The following ATP13A2 variants were observed in gnomAD, a reference collection of about 807,000 sequenced individuals.
ATP13A2 encodes the protein ATPase cation transporting 13A2.
ATP13A2 carries 83 observed loss-of-function variants against 138.3 expected under a neutral mutation model. The ratio of observed to expected loss-of-function variants is 0.60; its 90% CI spans 0.50 to 0.72. The LOEUF is 0.72. Ranked by LOEUF, ATP13A2 falls within the 30% of genes least tolerant of loss-of-function variation. The pLI, the probability that ATP13A2 is intolerant of heterozygous loss-of-function variation, is 0.00. For synonymous variants in ATP13A2, 663 were observed against 699.0 expected (o/e 0.95, Z 0.81); for missense variants, 1,402 against 1,606.4 (o/e 0.87, Z 2.17).
chr1:17,009,834 G>A (rs1481202780), intron 1 of ATP13A2, among the ~76,000 whole-genome samples: 1 of 152,108 alleles, frequency 6.6e-6, no homozygotes, highest in Non-Finnish European at 1.5e-5. Flanking sequence ...AGTCAACCTT[G>A]GCAAAGAGGA....
chr1:17,011,823 C>T lies in ATP13A2; in HGVS notation c.-85G>A. ...GTGCGCAAGGCCCTGGGCGGGGGCG[C>T]GGTCCGGACGGCCCGGGGCGAGGGG... On this transcript the variant is annotated 5_prime_UTR_variant, in exon 1 of 29. Transcript: ENST00000326735. The surrounding 1 kb of genome is among the most constrained non-coding windows in gnomAD (Gnocchi z 7.3). 2 of 1,110,914 alleles carry T rather than the reference C, an allele frequency of 1.8e-6. No individual in the cohort carries two copies. Among genetic ancestry groups the T allele is most frequent in the Non-Finnish European group, 1.1e-6 (1 of 913,322 alleles). 68.8% of individuals were successfully genotyped at this position (1,110,914 alleles called of 1,614,324 possible). A position where few individuals can be genotyped will look rare whatever the true frequency, so the allele number is the denominator to read the frequency against.
chr1:16,992,607 T>C lies in ATP13A2; in HGVS notation c.1750-26A>G. ...CTGGCAGGCAGGCAGGGAAGTTTGGTGTCTGGGGGCTTTGGCTCACAGAGA... is the reference window on the plus strand; with the variant it reads ...CTGGCAGGCAGGCAGGGAAGTTTGGCGTCTGGGGGCTTTGGCTCACAGAGA... On this transcript the variant is annotated intron_variant, in intron 16 of 28. Coordinates refer to ENST00000326735, the MANE Select transcript of ATP13A2 (RefSeq NM_022089.4). 1.9e-6 allele frequency: 3 copies of C among 1,612,448 alleles called. No homozygotes were observed. In the East Asian group the frequency reaches 6.7e-5, roughly 36 times the overall value.
chr1:16,998,387 G>T (rs894627457), intron 11 of ATP13A2, among the ~76,000 whole-genome samples: 58 of 151,954 alleles, frequency 3.8e-4, no homozygotes, highest in African/African-American at 1.4e-3. Context: ...TGTATTTTTG[G>T]TAGAGATGGG....
rs751014737 is a variant in ATP13A2 at position 17,004,407 on chromosome 1, C to T, written c.482G>A (p.Arg161Gln). The part of the protein sequence containing the change: ...SEEAVSVGQK[R>Q]VLRYYLFQGQ... ...CTGGAAGAGGTAATACCGCAGCACC[C>T]GCTTCTGGGTGGGAGAGAGGAGAGG... Residue 161 changes from arginine (R) to glutamine (Q), a missense_variant, in exon 6 of 29, where the codon CGG becomes CAG. By Grantham distance (43) the Arg-to-Gln change is conservative. Transcript: ENST00000326735. The surrounding 1 kb of genome is among the most constrained non-coding windows in gnomAD (Gnocchi z 4.1). 16 of 1,613,890 alleles carry T rather than the reference C, an allele frequency of 9.9e-6. No individual in the cohort carries two copies. The highest frequency in any genetic ancestry group is 1.6e-4 in the Middle Eastern group (1 of 6,074).
Position 17,000,075 on chromosome 1 carries a change from C to T in ATP13A2, c.975G>A (p.Gly325=), listed in dbSNP as rs915404570. Residue 325 remains glycine (G), a synonymous_variant, in exon 11 of 29, where the codon GGG becomes GGA. Coordinates refer to ENST00000326735, the MANE Select transcript of ATP13A2 (RefSeq NM_022089.4). ...GDCLVLPQEG[G]LMPCDAALVA... is the part of the protein sequence containing the mutation. ...CCAGGGCGGCATCACAGGGCATCAGCCCACCCTCCTGGGGCAGCACCAGGC... is the reference window on the plus strand; with the variant it reads ...CCAGGGCGGCATCACAGGGCATCAGTCCACCCTCCTGGGGCAGCACCAGGC... 6 of 1,613,284 alleles carry T rather than the reference C, an allele frequency of 3.7e-6. No individual in the cohort carries two copies. In the African/African-American group the frequency reaches 8.0e-5, roughly 22 times the overall value.
At chr1:17,000,185 C>A (rs2077293714) in intron 10 of ATP13A2, 43 bp from the exon 11 acceptor site, 1 of 1,608,044 alleles carries the variant, frequency 6.2e-7, no homozygotes. Flanking sequence ...TGGGGCCAGC[C>A]CCAGCCATGC....
At position 16,986,783 on chromosome 1, in the gene ATP13A2, CCGCCCG is replaced by C. The variant is rs2076744986; in HGVS notation, c.3235+16_3235+21del. On this transcript the variant is annotated intron_variant, in intron 27 of 28. Transcript: ENST00000326735. The surrounding 1 kb of genome is among the most constrained non-coding windows in gnomAD (Gnocchi z 6.9). ...TCCTCCCTCCCTCCGCCAGCATCTCCCGCCCGCGCCCGCAGTGGCACCATTGGTGTA... is the reference window on the plus strand; with the variant it reads ...TCCTCCCTCCCTCCGCCAGCATCTCCCGCCCGCAGTGGCACCATTGGTGTA... 3 of 1,608,056 alleles carry C rather than the reference CCGCCCG, an allele frequency of 1.9e-6. No individual in the cohort carries two copies. The South Asian group carries it at 3.3e-5, about 18-fold the overall frequency.
intron 11 of ATP13A2, among the ~76,000 whole-genome samples, chr1:16,999,401 A>AT (rs1422002091): frequency 1.4e-5 from 2 of 141,216 alleles, no homozygotes; most frequent in Admixed American, 7.0e-5. Flanking sequence ...AAAAAAAAAA[A>AT]AAAAGGAGAA....
rs200529993 is a variant in ATP13A2 at position 16,992,488 on chromosome 1, T to C, written c.1843A>G (p.Met615Val). ...CCAACAGGCCCCCCTCAGCTCACCA[T>C]TGCCTGCAGCTGGGGCTCCCAAAGT... ...PPLWEPQLQA[M>V]EEPPVPVSVL... The change falls in exon 17 of 29, where the codon ATG (methionine) becomes GTG (valine). Residue 615 changes from methionine (M) to valine (V), a missense_variant and splice_region_variant. Met to Val is a conservative substitution (Grantham distance 21). Coordinates refer to ENST00000326735, the MANE Select transcript of ATP13A2 (RefSeq NM_022089.4). 2.8e-5 allele frequency: 46 copies of C among 1,614,102 alleles called. No individual in the cohort carries two copies. In the East Asian group the frequency reaches 6.5e-4, roughly 23 times the overall value.
intron 1 of ATP13A2, among the ~76,000 whole-genome samples, chr1:17,010,552 C>A (rs953003309): frequency 6.6e-6 from 1 of 152,168 alleles, no homozygotes; most frequent in African/African-American, 2.4e-5. Context: ...ATCCCTTGTC[C>A]AGGGTCATAG....
intron 8 of ATP13A2, 184 bp from the exon 9 acceptor site, chr1:17,000,718 G>T (rs537394162): frequency 5.5e-6 from 4 of 730,014 alleles, no homozygotes; most frequent in South Asian, 3.8e-5. Flanking sequence ...CAGTTTCTCC[G>T]CTCTAAAGAG....
In ATP13A2 at chr1:17,002,378, G is replaced by C. The variant is rs1444294963; in HGVS notation, c.558-5C>G. Reference sequence around the variant, plus strand: ...GAGCGGCCATGGTCCAGGAGGCTGGGGGTGGGTGCGAGGGGACACGCATGG... The same window carrying C: ...GAGCGGCCATGGTCCAGGAGGCTGGCGGTGGGTGCGAGGGGACACGCATGG... On this transcript the variant is annotated splice_polypyrimidine_tract_variant and splice_region_variant and intron_variant, in intron 6 of 28. Coordinates refer to ENST00000326735, the MANE Select transcript of ATP13A2 (RefSeq NM_022089.4). 2 of 1,612,302 alleles carry C rather than the reference G, an allele frequency of 1.2e-6. No homozygotes were observed. The highest frequency in any genetic ancestry group is 4.5e-5 in the East Asian group (2 of 44,848).
At chr1:16,999,400 A>G (rs1035526754) in intron 11 of ATP13A2, among the ~76,000 whole-genome samples, 3 of 149,382 alleles carry the variant, frequency 2.0e-5, no homozygotes, top group African/African-American at 7.3e-5. Flanking sequence ...AAAAAAAAAA[A>G]AAAAAGGAGA....
In ATP13A2 at chr1:16,986,738, C is replaced by T. The variant is rs1162405972; in HGVS notation, c.3235+67G>A. 5 of 1,574,274 alleles carry T rather than the reference C, an allele frequency of 3.2e-6. No individual in the cohort carries two copies. The Admixed American group carries it at 7.4e-5, about 23-fold the overall frequency. On this transcript the variant is annotated intron_variant, in intron 27 of 28. Transcript: ENST00000326735. The surrounding 1 kb of genome is among the most constrained non-coding windows in gnomAD (Gnocchi z 6.9). Reference sequence around the variant, plus strand: ...TCGGCCGGCACCTCTCTCCCATCTGCCTCCCCAGCACCCCAGGGCTCCTCC... The same window carrying T: ...TCGGCCGGCACCTCTCTCCCATCTGTCTCCCCAGCACCCCAGGGCTCCTCC...
In ATP13A2 at chr1:16,989,960, C is replaced by T. The variant is rs781298587; in HGVS notation, c.2456G>A (p.Arg819Gln). 9.3e-6 allele frequency: 15 copies of T among 1,606,568 alleles called. No individual in the cohort carries two copies. Among genetic ancestry groups the T allele is most frequent in the Admixed American group, 3.4e-5 (2 of 58,344 alleles). Reference protein sequence around the residue: ...AASYTVEPDPRSRHLALSGPT... With the variant: ...AASYTVEPDPQSRHLALSGPT... ...CCCGCTGAGGGCCAGGTGCCTGGAT[C>T]GGGGGTCTGGCTCCACGGTGTAGCT... The change falls in exon 22 of 29, where the codon CGA becomes CAA. Residue 819 changes from arginine (R) to glutamine (Q), a missense_variant. By Grantham distance (43) the Arg-to-Gln change is conservative (BLOSUM62 1). Transcript: ENST00000326735.
chr1:16,993,787 G>T lies in ATP13A2; in HGVS notation c.1591C>A (p.Leu531Met). ...AGGGGCAGGAATGCCTGCCCCTTCAGGGGCACCACCCCCATCACGTCTAAG... is the reference window on the plus strand; with the variant it reads ...AGGGGCAGGAATGCCTGCCCCTTCATGGGCACCACCCCCATCACGTCTAAG... ...DGLDVMGVVP[L>M]KGQAFLPLVP... The change falls in exon 16 of 29, where the codon CTG (leucine) becomes ATG (methionine). Residue 531 changes from leucine to methionine, a missense_variant. Leu to Met is a conservative substitution (Grantham distance 15). Coordinates refer to ENST00000326735, the MANE Select transcript of ATP13A2 (RefSeq NM_022089.4). 6.3e-7 allele frequency: 1 copy of T among 1,585,856 alleles called. No individual in the cohort carries two copies. The highest frequency in any genetic ancestry group is 2.3e-5 in the East Asian group (1 of 43,332).
Position 16,991,764 on chromosome 1 carries a change from T to A in ATP13A2, c.2221A>T (p.Arg741Trp). ...ACCATGACGGCGCGGATGCGGGTCC[T>A]TCGCAGAGCCTGGATAACTGGCGTT... ...QTTPVIQALR[R>W]TRIRAVMVTG... Residue 741 changes from arginine (R) to tryptophan (W), a missense_variant, in exon 20 of 29, where the codon AGG becomes TGG. By Grantham distance (101) the Arg-to-Trp change is moderately radical. Coordinates refer to ENST00000326735, the MANE Select transcript of ATP13A2 (RefSeq NM_022089.4). The A allele has an allele frequency of 6.2e-7, 1 of 1,614,160 alleles. No homozygotes were observed. The highest frequency in any genetic ancestry group is 8.5e-7 in the Non-Finnish European group (1 of 1,180,044).
intron 15 of ATP13A2, among the ~76,000 whole-genome samples, chr1:16,994,223 T>C (rs1416590691): frequency 7.0e-6 from 1 of 142,810 alleles, no homozygotes; most frequent in Non-Finnish European, 1.5e-5. Flanking sequence ...TATTTATTTA[T>C]TTTTATTTTT....
chr1:16,988,303 C>T lies in ATP13A2; in HGVS notation c.2762+19G>A, dbSNP rs779656439. On this transcript the variant is annotated intron_variant, in intron 24 of 28. Coordinates refer to ENST00000326735, the MANE Select transcript of ATP13A2 (RefSeq NM_022089.4). ...CCAGCCCTGCTGAGCCCTCACCCAC[C>T]GGTCCCTGCCTGCCTTACCTGATGA... The T allele has an allele frequency of 9.3e-6, 15 of 1,614,060 alleles. No individual in the cohort carries two copies. Among genetic ancestry groups the T allele is most frequent in the Middle Eastern group, 1.6e-4 (1 of 6,084 alleles).
Sources: allele counts gnomAD v4.1 joint callset (sites outside exome capture counted in the v4.1 genomes callset), GRCh38; gene constraint gnomAD v4.1.1; non-coding constraint Gnocchi (gnomAD v3.1); transcripts MANE v1.5; gene names NCBI Gene and HGNC (gene_info 2026-07-23, HGNC 2026-07-21).